The following SPINDOC variants were observed in gnomAD, a reference collection of about 807,000 sequenced individuals.
SPINDOC encodes spindlin interactor and repressor of chromatin binding.
In SPINDOC, 13 loss-of-function variants were observed where a neutral mutation model predicts 30.7. The observed-to-expected ratio is 0.42, with a 90% confidence interval of 0.28 to 0.67. The LOEUF is 0.67. SPINDOC is among the 30% of genes least tolerant of loss of function. The probability of loss-of-function intolerance (pLI) is 0.22; values close to 1 mark genes in which losing one functional copy is unlikely to be tolerated. For missense variants in SPINDOC, 438 were observed against 518.0 expected (o/e 0.85, Z 1.50); for synonymous variants, 228 against 211.4 (o/e 1.08, Z -0.68).
At chr11:63,820,534 A>G (rs2015485012) in intron 5 of SPINDOC, among the ~76,000 whole-genome samples, 1 of 152,094 alleles carries the variant, frequency 6.6e-6, no homozygotes, top group Non-Finnish European at 1.5e-5. Flanking sequence ...CTTCTTCCCC[A>G]TGGTCCTTAT....
At chr11:63,816,583 C>T (rs2015346443) in intron 1 of SPINDOC, among the ~76,000 whole-genome samples, 1 of 152,174 alleles carries the variant, frequency 6.6e-6, no homozygotes, top group Admixed American at 6.6e-5. Flanking sequence ...CTCTTCCATG[C>T]AGCCCCCAGG....
At chr11:63,822,919 A>T (rs1450486184) in intron 5 of SPINDOC, 13 of 1,271,862 alleles carry the variant, frequency 1.0e-5, no homozygotes, top group Non-Finnish European at 1.3e-5. Flanking sequence ...TCTGAGAGGA[A>T]GGGGCTTCAG....
chr11:63,822,955 G>A, intron 5 of SPINDOC: 1 of 1,189,658 alleles, frequency 8.4e-7, no homozygotes, highest in South Asian at 1.3e-5. Context: ...ATCTGAGGGG[G>A]CGGAGGCAAT....
chr11:63,817,757 G>A, intron 1 of SPINDOC, 48 bp from the exon 2 acceptor site: 1 of 1,463,634 alleles, frequency 6.8e-7, no homozygotes, highest in Non-Finnish European at 9.2e-7. Flanking sequence ...AAGTGTTGTT[G>A]GTTGTGGGCA....
intron 5 of SPINDOC, among the ~76,000 whole-genome samples, chr11:63,822,263 G>C (rs1028025079): frequency 2.7e-5 from 4 of 148,104 alleles, no homozygotes; most frequent in African/African-American, 1.0e-4. Context: ...AGGATCACTT[G>C]AGCCCAAGAA....
chr11:63,817,823 C>A lies in SPINDOC; in HGVS notation c.146C>A (p.Thr49Asn), dbSNP rs2015383776. 1.9e-6 allele frequency: 3 copies of A among 1,591,268 alleles called. No homozygotes were observed. The highest frequency in any genetic ancestry group is 2.7e-5 in the African/African-American group (2 of 74,444). ...CTCGCAGTGACCCAACAGGAGAAGACCCCACCGCCTAGACCCAGCCCGCTA... is the reference window on the plus strand; with the variant it reads ...CTCGCAGTGACCCAACAGGAGAAGAACCCACCGCCTAGACCCAGCCCGCTA... Reference protein sequence around the residue: ...PMLRVTQQEKTPPPRPSPLEA... With the variant: ...PMLRVTQQEKNPPPRPSPLEA... Residue 49 changes from threonine to asparagine, a missense_variant, in exon 2 of 6, where the codon ACC becomes AAC. Thr to Asn is a moderately conservative substitution (Grantham distance 65). Around this residue, in one of 3 missense-constraint regions of SPINDOC, gnomAD observed 129 missense variants for 152.7 expected, o/e 0.84. Transcript: ENST00000294244.
intron 1 of SPINDOC, among the ~76,000 whole-genome samples, chr11:63,817,177 A>G (rs980077933): frequency 1.3e-5 from 2 of 148,426 alleles, no homozygotes; most frequent in Non-Finnish European, 3.0e-5. Context: ...TGAGACCCCC[A>G]TCTTTTAAAA....
intron 1 of SPINDOC, among the ~76,000 whole-genome samples, chr11:63,814,315 C>G (rs990716372): frequency 2.6e-5 from 4 of 152,230 alleles, no homozygotes; most frequent in Admixed American, 1.3e-4. Context: ...CGCTTCCCTG[C>G]CCACCACCCC....
In SPINDOC at chr11:63,818,290, C is replaced by G; in HGVS notation, c.532C>G (p.Leu178Val). The change falls in exon 3 of 6, where the codon CTC becomes GTC. Residue 178 changes from leucine (L) to valine (V), a missense_variant. Physicochemically the swap from Leu to Val is conservative, Grantham distance 32. This residue lies in a region of SPINDOC where 300 missense variants were observed against 332.8 expected (regional missense o/e 0.90). Transcript: ENST00000294244. This position sits in a 1 kb window ranked among gnomAD's most constrained non-coding sequence, Gnocchi z 5.3. ...CAGAATGCCAGCCGAAATCGTCGTT[C>G]TCCTTGACTCTGAGGATAACCCATC... ...AARMPAEIVV[L>V]LDSEDNPSLP... 6.2e-7 allele frequency: 1 copy of G among 1,614,038 alleles called. No homozygotes were observed.
intron 5 of SPINDOC, among the ~76,000 whole-genome samples, chr11:63,820,025 C>G (rs2015465357): frequency 6.6e-6 from 1 of 152,250 alleles, no homozygotes; most frequent in East Asian, 1.9e-4. Flanking sequence ...CAGACACCTC[C>G]AGGGGACACC....
Position 63,818,209 on chromosome 11 carries a change from C to T in SPINDOC, c.458-7C>T, listed in dbSNP as rs777662265. 5.0e-6 allele frequency: 8 copies of T among 1,614,034 alleles called. No homozygotes were observed. The highest frequency in any genetic ancestry group is 6.8e-6 in the Non-Finnish European group (8 of 1,180,008). ...CTAGAAGCTCATTGTGCTCTTGCTC[C>T]CTGCAGACTCGGGCCAGGATGCCCA... On this transcript the variant is annotated splice_region_variant and splice_polypyrimidine_tract_variant and intron_variant, in intron 2 of 5. Coordinates refer to ENST00000294244, the MANE Select transcript of SPINDOC (RefSeq NM_138471.3). This position sits in a 1 kb window ranked among gnomAD's most constrained non-coding sequence, Gnocchi z 5.3.
At position 63,818,122 on chromosome 11, in the gene SPINDOC, C is replaced by T. The variant is rs2015395770; in HGVS notation, c.445C>T (p.Pro149Ser). The T allele has an allele frequency of 6.2e-7, 1 of 1,613,794 alleles. No homozygotes were observed. Among genetic ancestry groups the T allele is most frequent in the Admixed American group, 1.7e-5 (1 of 59,982 alleles). ...AGACGTGAGAGCTGAGCAGCCGTCC[C>T]CACCCAACTCAGGTAGTTGGTCCTG... ...LQDVRAEQPS[P>S]PNSDSGQDAH... The change falls in exon 2 of 6, where the codon CCA becomes TCA. Residue 149 changes from proline (P) to serine (S), a missense_variant. Coordinates refer to ENST00000294244, the MANE Select transcript of SPINDOC (RefSeq NM_138471.3). This position sits in a 1 kb window ranked among gnomAD's most constrained non-coding sequence, Gnocchi z 5.3.
At chr11:63,824,517 G>A (rs1268625419) in intron 5 of SPINDOC, among the ~76,000 whole-genome samples, 1 of 152,100 alleles carries the variant, frequency 6.6e-6, no homozygotes, top group African/African-American at 2.4e-5. Context: ...TTATGTGTTT[G>A]GTGAATGAGT....
At chr11:63,820,905 A>AAAAAAAAAAC (rs1345561155) in intron 5 of SPINDOC, among the ~76,000 whole-genome samples, 2 of 148,812 alleles carry the variant, frequency 1.3e-5, no homozygotes, top group Non-Finnish European at 3.0e-5. Flanking sequence ...AAAAAAAAAA[A>AAAAAAAAAAC]AACAACACAC....
intron 5 of SPINDOC, among the ~76,000 whole-genome samples, chr11:63,826,539 A>G (rs1356061170): frequency 6.6e-6 from 1 of 151,784 alleles, no homozygotes; most frequent in African/African-American, 2.4e-5. Context: ...CCACCCCATC[A>G]CCTCTGCCCC....
Position 63,826,916 on chromosome 11 carries a change from A to C in SPINDOC, c.935-12A>C, listed in dbSNP as rs1215794956. 4 of 1,378,144 alleles carry C rather than the reference A, an allele frequency of 2.9e-6. No individual in the cohort carries two copies. The Admixed American group carries it at 5.1e-5, about 18-fold the overall frequency. 85.4% of individuals were successfully genotyped at this position (1,378,144 alleles called of 1,614,324 possible). A position where few individuals can be genotyped will look rare whatever the true frequency, so the allele number is the denominator to read the frequency against. On this transcript the variant is annotated splice_polypyrimidine_tract_variant and intron_variant, in intron 5 of 5. Coordinates refer to ENST00000294244, the MANE Select transcript of SPINDOC (RefSeq NM_138471.3). ...GGGGCTCTGACTGCTCTCTGCTCTCATCCCTGCCCAGCTCCCCCTCCGGGG... is the reference window on the plus strand; with the variant it reads ...GGGGCTCTGACTGCTCTCTGCTCTCCTCCCTGCCCAGCTCCCCCTCCGGGG...
Position 63,817,978 on chromosome 11 carries a change from C to T in SPINDOC, c.301C>T (p.Pro101Ser). The change falls in exon 2 of 6, where the codon CCC becomes TCC. Residue 101 changes from proline (P) to serine (S), a missense_variant. By Grantham distance (74) the Pro-to-Ser change is moderately conservative. This residue lies in a region of SPINDOC where 129 missense variants were observed against 152.7 expected (regional missense o/e 0.84). Transcript: ENST00000294244. ...CMVCGAEIRA[P>S]SADTARSHIL... ...GGTGTGTGGCGCTGAGATCCGGGCA[C>T]CCTCGGCCGACACAGCTCGCTCGCA... 2 of 1,614,150 alleles carry T rather than the reference C, an allele frequency of 1.2e-6. No individual in the cohort carries two copies. The highest frequency in any genetic ancestry group is 1.7e-6 in the Non-Finnish European group (2 of 1,180,018).
Position 63,817,931 on chromosome 11 carries a change from G to T in SPINDOC, c.254G>T (p.Gly85Val). The T allele has an allele frequency of 6.2e-7, 1 of 1,614,112 alleles. No homozygotes were observed. The highest frequency in any genetic ancestry group is 8.5e-7 in the Non-Finnish European group (1 of 1,180,022). The change falls in exon 2 of 6, where the codon GGC (glycine) becomes GTC (valine). Residue 85 changes from glycine to valine, a missense_variant. This residue lies in a region of SPINDOC where 129 missense variants were observed against 152.7 expected (regional missense o/e 0.84). Transcript: ENST00000294244. ...QEFLVGSSPGGSGRALCMVCG... is the reference protein window; with the variant it reads ...QEFLVGSSPGVSGRALCMVCG... ...TTCCTGGTGGGCAGCAGCCCAGGAG[G>T]CAGCGGGCGGGCACTGTGCATGGTG...
At chr11:63,822,784 T>G in intron 5 of SPINDOC, 1 of 1,289,092 alleles carries the variant, frequency 7.8e-7, no homozygotes, top group Non-Finnish European at 1.0e-6. Context: ...GATTTCATTC[T>G]CGAAAGGGAG....
Sources: allele counts gnomAD v4.1 joint callset (sites outside exome capture counted in the v4.1 genomes callset), GRCh38; gene constraint gnomAD v4.1.1; regional missense constraint gnomAD v4.1.1; non-coding constraint Gnocchi (gnomAD v3.1); transcripts MANE v1.5; gene names NCBI Gene and HGNC (gene_info 2026-07-23, HGNC 2026-07-21).